CECR2: variants seen among roughly 807,000 people sequenced by gnomAD.
CECR2 encodes CECR2 histone acetyl-lysine reader.
In CECR2, 30 loss-of-function variants were observed where a neutral mutation model predicts 154.5. The ratio of observed to expected loss-of-function variants is 0.19; its 90% CI spans 0.15 to 0.26. The LOEUF is 0.26. Ranked by LOEUF, CECR2 falls within the 10% of genes least tolerant of loss-of-function variation. The pLI is 1.00. For synonymous variants in CECR2, 725 were observed against 683.7 expected, an observed-to-expected ratio of 1.06 and a Z score of -0.94; for missense variants, 1,743 against 1,829.3, an observed-to-expected ratio of 0.95 and a Z score of 0.86.
rs569237077 is a variant in CECR2, at chr22:17,361,504, C to G, written c.-364+1481C>G. Among the ~76,000 whole-genome samples the G allele has an allele frequency of 1.7e-4, 26 of 150,864 alleles. No individual in the cohort carries two copies. The East Asian group carries it at 4.9e-3, about 28-fold the overall frequency. ...AAAACAAAAAACAAACAACACCCCC[C>G]ACCCAAAAAAAAAACAACCTAGGTT... On this transcript the variant is annotated intron_variant, in intron 1 of 18. Coordinates refer to the CECR2 transcript ENST00000400585.
At chr22:17,396,665 G>A (rs1041651782) in intron 1 of CECR2, among the ~76,000 whole-genome samples, 3 of 152,242 alleles carry the variant, frequency 2.0e-5, no homozygotes, top group African/African-American at 7.2e-5. Flanking sequence ...GGCAGTTAAA[G>A]TTTAAGCAGG....
At chr22:17,389,921 C>T (rs941925714) in intron 1 of CECR2, among the ~76,000 whole-genome samples, 2 of 152,162 alleles carry the variant, frequency 1.3e-5, no homozygotes, top group African/African-American at 2.4e-5. Context: ...AGCCACTGTG[C>T]CTGGCCGGAA....
chr22:17,362,082 G>A lies in CECR2; in HGVS notation c.-364+2059G>A, dbSNP rs5749058. 0.018 allele frequency among the ~76,000 whole-genome samples: 2,699 copies of A among 151,996 alleles called. 277 individuals are homozygous for A. In the East Asian group the frequency reaches 0.29, roughly 16 times the overall value. ...TTTAGTGACAGAGTCCCTCTCTGTC[G>A]CCCAGGCTGGAGTGCAGTGGCACAA... is the stretch of plus-strand genomic sequence containing the variant. On this transcript the variant is annotated intron_variant, in intron 1 of 18. Transcript: ENST00000400585.
At chr22:17,457,711 A>G (rs1365011992) in intron 1 of CECR2, among the ~76,000 whole-genome samples, 1 of 152,228 alleles carries the variant, frequency 6.6e-6, no homozygotes, top group African/African-American at 2.4e-5. Flanking sequence ...GAATACACAT[A>G]GCGATTTTAT....
At chr22:17,539,225 C>CAGA in intron 13 of CECR2, 106 bp downstream of exon 13, 1 of 1,271,294 alleles carries the variant, frequency 7.9e-7, no homozygotes, top group Non-Finnish European at 1.1e-6. Flanking sequence ...GGACAGTGAA[C>CAGA]AGAATGTGTA....
chr22:17,529,224 A>C (rs887492183), intron 9 of CECR2, among the ~76,000 whole-genome samples: 1 of 152,186 alleles, frequency 6.6e-6, no homozygotes, highest in East Asian at 1.9e-4. Context: ...GATATGCAGC[A>C]GGAAGTCCAG....
chr22:17,524,109 T>C lies in CECR2; in HGVS notation c.955-9T>C. ...GTACTGACCGGATGTGCTCATTGGC[T>C]CCTCACAGGAGACTCCTGTGCTGAC... On this transcript the variant is annotated splice_polypyrimidine_tract_variant and intron_variant, in intron 8 of 18. Coordinates refer to ENST00000262608, the MANE Select transcript of CECR2 (RefSeq NM_001290047.2). The C allele has an allele frequency of 6.3e-7, 1 of 1,576,508 alleles. No homozygotes were observed. The highest frequency in any genetic ancestry group is 2.3e-5 in the East Asian group (1 of 43,038).
chr22:17,480,517 C>T (rs536736753), intron 2 of CECR2, among the ~76,000 whole-genome samples: 1 of 151,670 alleles, frequency 6.6e-6, no homozygotes, highest in East Asian at 1.9e-4. Context: ...AAACTGAACA[C>T]ACCTGTGTAA....
intron 1 of CECR2, among the ~76,000 whole-genome samples, chr22:17,457,831 T>A (rs558924730): frequency 1.3e-5 from 2 of 152,302 alleles, no homozygotes; most frequent in Admixed American, 1.3e-4. Flanking sequence ...TAAAAAGAGA[T>A]GAAGTATTGA....
chr22:17,519,603 C>T (rs942123198), intron 8 of CECR2, among the ~76,000 whole-genome samples: 2 of 151,938 alleles, frequency 1.3e-5, no homozygotes, highest in Non-Finnish European at 2.9e-5. Context: ...GTTCGTGTTC[C>T]ATTTGTTTGA....
intron 1 of CECR2, among the ~76,000 whole-genome samples, chr22:17,386,209 G>A (rs2063258964): frequency 6.6e-6 from 1 of 152,146 alleles, no homozygotes; most frequent in Non-Finnish European, 1.5e-5. Flanking sequence ...GTGATTTGAA[G>A]GGGTCAAAGA....
chr22:17,485,701 G>A (rs544601567), intron 2 of CECR2, among the ~76,000 whole-genome samples: 22 of 152,312 alleles, frequency 1.4e-4, no homozygotes, highest in Non-Finnish European at 3.2e-4. Context: ...TGGAGCCCAG[G>A]AGGCGGAGGT....
chr22:17,480,348 A>C (rs2055285667), intron 2 of CECR2, among the ~76,000 whole-genome samples: 1 of 151,656 alleles, frequency 6.6e-6, no homozygotes, highest in Admixed American at 6.6e-5. Context: ...GTTTAGCTCG[A>C]GTTAGCTTAC....
intron 9 of CECR2, among the ~76,000 whole-genome samples, chr22:17,529,655 G>A (rs992087466): frequency 6.7e-6 from 1 of 149,486 alleles, no homozygotes; most frequent in Non-Finnish European, 1.5e-5. Flanking sequence ...AGCCGAGATC[G>A]CCCCACCGCA....
intron 2 of CECR2, among the ~76,000 whole-genome samples, chr22:17,482,063 C>G (rs557031974): frequency 7.3e-6 from 1 of 136,396 alleles, no homozygotes; most frequent in Non-Finnish European, 1.5e-5. Context: ...TGCAGGAAGC[C>G]GAGATCACGC....
intron 1 of CECR2, among the ~76,000 whole-genome samples, chr22:17,390,604 C>T (rs576615257): frequency 3.3e-5 from 5 of 152,218 alleles, no homozygotes; most frequent in African/African-American, 1.2e-4. Flanking sequence ...AAAGTTTAAG[C>T]GTTTGATTCT....
intron 13 of CECR2, 128 bp from the exon 14 acceptor site, chr22:17,540,284 C>T (rs1444709029): frequency 2.5e-6 from 2 of 816,148 alleles, no homozygotes; most frequent in African/African-American, 3.5e-5. Flanking sequence ...ACCCAGGTTG[C>T]ATCTTCTATT....
At chr22:17,400,034 A>G (rs1289841808) in intron 1 of CECR2, among the ~76,000 whole-genome samples, 2 of 152,128 alleles carry the variant, frequency 1.3e-5, no homozygotes, top group Non-Finnish European at 2.9e-5. Flanking sequence ...GTATTTTATA[A>G]TATATTAAGT....
intron 1 of CECR2, among the ~76,000 whole-genome samples, chr22:17,444,093 C>T (rs999216051): frequency 2.4e-4 from 36 of 152,162 alleles, no homozygotes; most frequent in African/African-American, 8.0e-4. Flanking sequence ...GCAGTGCACC[C>T]GGCCTCTGGT....
Sources: gnomAD v4.1 joint callset for allele counts (sites outside exome capture counted in the v4.1 genomes callset) on GRCh38, gnomAD v4.1.1 for gene constraint, MANE v1.5 for transcripts, NCBI Gene and HGNC (gene_info 2026-07-23, HGNC 2026-07-21) for gene names.